LAIR1: variants seen among roughly 807,000 people sequenced by gnomAD.
The protein encoded by LAIR1 is leukocyte associated immunoglobulin like receptor 1.
Under a neutral mutation model 32.8 loss-of-function variants are expected in LAIR1, and 24 were observed. The ratio of observed to expected loss-of-function variants is 0.73; its 90% CI spans 0.53 to 1.03. LAIR1 has a LOEUF of 1.03. Among genes scored for constraint, LAIR1 ranks in the 50% least tolerant of loss-of-function variants. The pLI is 0.00. For synonymous variants in LAIR1, 150 were observed against 140.5 expected (o/e 1.07, Z -0.48); for missense variants, 355 against 347.5 (o/e 1.02, Z -0.17).
chr19:54,369,949 A>C (rs568755332), intron 1 of LAIR1, among the ~76,000 whole-genome samples: 36 of 149,578 alleles, frequency 2.4e-4, no homozygotes, highest in Middle Eastern at 6.8e-3. Context: ...TGGGGAACTC[A>C]AGCTAAACCC....
chr19:54,372,206 T>C (rs2082421800), upstream of LAIR1, among the ~76,000 whole-genome samples: 1 of 151,662 alleles, frequency 6.6e-6, no homozygotes, highest in Admixed American at 6.6e-5. Context: ...ATTGCCGCAC[T>C]GTCTCCCAAA....
chr19:54,357,436 T>A (rs932708178), intron 4 of LAIR1: 1 of 155,136 alleles, frequency 6.4e-6, no homozygotes, highest in African/African-American at 2.4e-5. Context: ...AGGGCAAGAA[T>A]CCTCATGTCT....
chr19:54,375,759 C>G, the LAIR1 span, among the ~76,000 whole-genome samples: 4 of 151,814 alleles, frequency 2.6e-5, no homozygotes, highest in Admixed American at 2.6e-4. Context: ...TTTCCAGGCG[C>G]CTATTAAGGG....
rs1247841039 is a variant in LAIR1, at chr19:54,355,810, G to GGGCGACCTCTCGAC, written c.717+130_717+143dup. 1.5e-6 allele frequency: 1 copy of GGGCGACCTCTCGAC among 660,888 alleles called. No individual in the cohort carries two copies. The highest frequency in any genetic ancestry group is 2.7e-6 in the Non-Finnish European group (1 of 366,396). 40.9% of individuals were successfully genotyped at this position (660,888 alleles called of 1,614,324 possible). ...GGAGCCTTCGGATGCACACAGCCCT[G>GGGCGACCTCTCGAC]GGCGACCTCTCGACAGCAACCTCAG... On this transcript the variant is annotated intron_variant, in intron 9 of 9. Transcript: ENST00000391742. The surrounding 1 kb of genome is among the most constrained non-coding windows in gnomAD (Gnocchi z 4.7).
At chr19:54,370,332 A>T in exon 1 of LAIR1, 3 of 1,512,952 alleles carry the variant, frequency 2.0e-6, no homozygotes, top group Non-Finnish European at 2.7e-6. Flanking sequence ...GATCATCTTC[A>T]TAGGATTCCC....
chr19:54,372,535 G>T (rs967267562), upstream of LAIR1, among the ~76,000 whole-genome samples: 1 of 142,564 alleles, frequency 7.0e-6, no homozygotes, highest in African/African-American at 2.7e-5. Context: ...CTGTCACCCA[G>T]GCTGGAGTGC....
exon 1 of LAIR1, chr19:54,370,327 T>C (rs1182173286): frequency 2.0e-6 from 3 of 1,524,766 alleles, no homozygotes; most frequent in Admixed American, 4.0e-5. Context: ...ACGATGATCA[T>C]CTTCATAGGA....
intron 4 of LAIR1, among the ~76,000 whole-genome samples, chr19:54,359,224 T>C (rs1250034628): frequency 2.0e-5 from 3 of 151,478 alleles, no homozygotes; most frequent in African/African-American, 4.9e-5. Context: ...ACTCTGGGGA[T>C]AGAAACCCAG....
chr19:54,367,606 C>T (rs1305106421), upstream of LAIR1, among the ~76,000 whole-genome samples: 1 of 150,418 alleles, frequency 6.6e-6, no homozygotes, highest in Non-Finnish European at 1.5e-5. Context: ...ATTAGCCGGG[C>T]GTGGTGGTGG....
At chr19:54,365,181 G>A, upstream of LAIR1, 1 of 540,852 alleles carries the variant, frequency 1.8e-6, no homozygotes, top group Non-Finnish European at 2.5e-6. Flanking sequence ...GCAGCTCTTG[G>A]GCAAGACGTT....
chr19:54,364,303 G>A lies in LAIR1; in HGVS notation c.62C>T (p.Thr21Met), dbSNP rs746673117. Residue 21 changes from threonine to methionine, a missense_variant, in exon 2 of 10, where the codon ACG (threonine) becomes ATG (methionine). Coordinates refer to ENST00000391742, the MANE Select transcript of LAIR1 (RefSeq NM_002287.6). This position sits in a 1 kb window ranked among gnomAD's most constrained non-coding sequence, Gnocchi z 4.8. The part of the protein sequence containing the change: ...LVLCLAQTIH[T>M]QEEDLPRPSI... ...ACGAAGGCATGACTTACCCTCCTGCGTGTGGATGGTCTGGGCCAGGCAGAG... is the reference window on the plus strand; with the variant it reads ...ACGAAGGCATGACTTACCCTCCTGCATGTGGATGGTCTGGGCCAGGCAGAG... 4.3e-5 allele frequency: 70 copies of A among 1,613,612 alleles called. No individual in the cohort carries two copies. The highest frequency in any genetic ancestry group is 5.8e-5 in the Non-Finnish European group (69 of 1,179,810).
intron 8 of LAIR1, 63 bp downstream of exon 8, chr19:54,356,167 T>G: frequency 6.0e-6 from 7 of 1,160,764 alleles, no homozygotes; most frequent in Non-Finnish European, 7.5e-6. Context: ...CCACATTGCA[T>G]CTGGATTGGC....
At chr19:54,366,432 G>A (rs2082256011), upstream of LAIR1, among the ~76,000 whole-genome samples, 1 of 152,162 alleles carries the variant, frequency 6.6e-6, no homozygotes, top group African/African-American at 2.4e-5. Flanking sequence ...AGCAAACAAC[G>A]TGGCTGCATT....
intron 2 of LAIR1, among the ~76,000 whole-genome samples, chr19:54,362,772 C>T (rs2082087213): frequency 6.6e-6 from 1 of 152,206 alleles, no homozygotes; most frequent in Non-Finnish European, 1.5e-5. Flanking sequence ...AGATGTGAGC[C>T]ACCGCACCCA....
upstream of LAIR1, among the ~76,000 whole-genome samples, chr19:54,373,189 T>C (rs1569214802): frequency 1.3e-5 from 2 of 150,894 alleles, no homozygotes; most frequent in Non-Finnish European, 2.9e-5. Context: ...ACGCCTGTAA[T>C]CCCAGCACTT....
chr19:54,367,758 T>TATA (rs1288984872), upstream of LAIR1, among the ~76,000 whole-genome samples: 1 of 133,428 alleles, frequency 7.5e-6, no homozygotes, highest in African/African-American at 3.3e-5. Flanking sequence ...AAAATATATA[T>TATA]TTTTTTTAAT....
chr19:54,355,278 G>T lies in LAIR1; in HGVS notation c.854C>A (p.Ala285Asp). 1 of 1,606,844 alleles carries T rather than the reference G, an allele frequency of 6.2e-7. No homozygotes were observed. The highest frequency in any genetic ancestry group is 1.1e-5 in the South Asian group (1 of 90,184). The change falls in exon 10 of 10, where the codon GCC becomes GAC. Residue 285 changes from alanine (A) to aspartate (D), a missense_variant. Physicochemically the swap from Ala to Asp is moderately radical, Grantham distance 126 (BLOSUM62 -2). Transcript: ENST00000391742. This position sits in a 1 kb window ranked among gnomAD's most constrained non-coding sequence, Gnocchi z 4.7. ...MAESITYAAV[A>D]RH ...CAGGTGGGTATGGGGTCAGTGTCTG[G>T]CAACGGCTGCATACGTGATGGACTC...
At chr19:54,359,624 G>A (rs981242223) in intron 4 of LAIR1, among the ~76,000 whole-genome samples, 4 of 152,268 alleles carry the variant, frequency 2.6e-5, no homozygotes, top group African/African-American at 9.6e-5. Context: ...GCAGCGTGGA[G>A]CTCGGGCGAG....
intron 2 of LAIR1, among the ~76,000 whole-genome samples, chr19:54,362,424 A>T (rs1434024874): frequency 6.6e-6 from 1 of 152,208 alleles, no homozygotes; most frequent in Non-Finnish European, 1.5e-5. Context: ...CACACACAGG[A>T]TGCCTGCCGT....
Sources: gnomAD v4.1 joint callset for allele counts (sites outside exome capture counted in the v4.1 genomes callset) on GRCh38, gnomAD v4.1.1 for gene constraint, Gnocchi (gnomAD v3.1) non-coding constraint, MANE v1.5 for transcripts, NCBI Gene and HGNC (gene_info 2026-07-23, HGNC 2026-07-21) for gene names.